The following TSPAN15 variants were observed in gnomAD, a reference collection of about 807,000 sequenced individuals.
The protein encoded by TSPAN15 is tetraspanin 15, also known as tetraspanin-15.
A neutral mutation model predicts 34.5 loss-of-function variants in TSPAN15; 20 were observed. The observed-to-expected ratio is 0.58, with a 90% CI of 0.41 to 0.84. The LOEUF is 0.84. Ranked by LOEUF, TSPAN15 falls within the 40% of genes least tolerant of loss-of-function variation. TSPAN15 has a pLI of 0.00. For synonymous variants in TSPAN15, 155 were observed against 153.9 expected (o/e 1.01, Z -0.05); for missense variants, 313 against 386.1 (o/e 0.81, Z 1.59).
At chr10:69,488,281 G>T (rs941180557) in intron 3 of TSPAN15, among the ~76,000 whole-genome samples, 1 of 152,164 alleles carries the variant, frequency 6.6e-6, no homozygotes, top group South Asian at 2.1e-4. Flanking sequence ...TGGCGGGGAT[G>T]GGGGAGGAGC....
intron 1 of TSPAN15, among the ~76,000 whole-genome samples, chr10:69,474,619 A>G (rs1841576428): frequency 6.6e-6 from 1 of 152,034 alleles, no homozygotes; most frequent in Non-Finnish European, 1.5e-5. Flanking sequence ...AGTCCTGGCC[A>G]GAGGAAGGAG....
intron 1 of TSPAN15, among the ~76,000 whole-genome samples, chr10:69,461,925 A>AC (rs939832004): frequency 4.7e-4 from 35 of 74,780 alleles, no homozygotes; most frequent in East Asian, 3.9e-3. Context: ...CCCCGCCACC[A>AC]CCCCCCCCAT....
Position 69,507,064 on chromosome 10 carries a change from C to A in TSPAN15, c.*86C>A. ...ATCGTGGGGCTGGACAGGGCTGCGG[C>A]CCCTCTGCCCACACTCAGTACTGAC... On this transcript the variant is annotated 3_prime_UTR_variant, in exon 8 of 8. Coordinates refer to ENST00000373290, the MANE Select transcript of TSPAN15 (RefSeq NM_012339.5). 1 of 1,547,396 alleles carries A rather than the reference C, an allele frequency of 6.5e-7. No individual in the cohort carries two copies. Among genetic ancestry groups the A allele is most frequent in the Non-Finnish European group, 8.7e-7 (1 of 1,147,814 alleles).
intron 1 of TSPAN15, among the ~76,000 whole-genome samples, chr10:69,467,120 A>G (rs1841401052): frequency 6.6e-6 from 1 of 152,230 alleles, no homozygotes; most frequent in East Asian, 1.9e-4. Context: ...AAAGCAGAGG[A>G]GAAAAGGATT....
intron 1 of TSPAN15, among the ~76,000 whole-genome samples, chr10:69,458,092 T>A (rs1841153527): frequency 6.6e-6 from 1 of 152,210 alleles, no homozygotes; most frequent in Non-Finnish European, 1.5e-5. Context: ...CTCCAGTTTC[T>A]TCCTCGGGCC....
chr10:69,530,463 C>T, the TSPAN15 span, among the ~76,000 whole-genome samples: 1 of 147,394 alleles, frequency 6.8e-6, no homozygotes, highest in Non-Finnish European at 1.5e-5. Flanking sequence ...ATATTATAGA[C>T]CTAAAGTCCG....
At chr10:69,454,620 C>T (rs1314759951) in intron 1 of TSPAN15, among the ~76,000 whole-genome samples, 1 of 152,052 alleles carries the variant, frequency 6.6e-6, no homozygotes, top group Non-Finnish European at 1.5e-5. Flanking sequence ...AGTTCGAGAC[C>T]AGCCTGGGCA....
intron 4 of TSPAN15, among the ~76,000 whole-genome samples, chr10:69,496,607 G>A (rs1842090701): frequency 6.6e-6 from 1 of 152,208 alleles, no homozygotes; most frequent in Non-Finnish European, 1.5e-5. Context: ...GTGAGGACAA[G>A]TAGAGTGAGG....
chr10:69,503,762 C>T (rs1842260672), intron 5 of TSPAN15, among the ~76,000 whole-genome samples: 1 of 152,140 alleles, frequency 6.6e-6, no homozygotes, highest in Non-Finnish European at 1.5e-5. Flanking sequence ...AGAAGGAGAC[C>T]CTGCGGGGCA....
intron 1 of TSPAN15, among the ~76,000 whole-genome samples, chr10:69,456,318 C>T (rs1412913233): frequency 6.6e-6 from 1 of 152,144 alleles, no homozygotes; most frequent in African/African-American, 2.4e-5. Flanking sequence ...ACCTCCTGAC[C>T]TTAAATGATC....
the TSPAN15 span, among the ~76,000 whole-genome samples, chr10:69,520,509 T>G: frequency 6.6e-6 from 1 of 152,054 alleles, no homozygotes; most frequent in Admixed American, 6.6e-5. Context: ...ATACAAAAAT[T>G]AGCAGGCGTG....
At chr10:69,461,928 C>A (rs35608114) in intron 1 of TSPAN15, among the ~76,000 whole-genome samples, 56,367 of 144,204 alleles carry the variant, frequency 0.39, 11,513 homozygotes, top group Non-Finnish European at 0.45. Flanking sequence ...CGCCACCACC[C>A]CCCCCATCAC....
chr10:69,512,095 T>A (rs1842420647), downstream of TSPAN15, among the ~76,000 whole-genome samples: 1 of 151,964 alleles, frequency 6.6e-6, no homozygotes, highest in Non-Finnish European at 1.5e-5. Context: ...TAAAAAAAAA[T>A]GAAATGGATG....
chr10:69,478,364 C>G (rs1394881249), intron 1 of TSPAN15, among the ~76,000 whole-genome samples: 1 of 152,176 alleles, frequency 6.6e-6, no homozygotes, highest in Non-Finnish European at 1.5e-5. Context: ...CCCTTTCAAG[C>G]TAGAAAGTCT....
At chr10:69,531,137 A>G in the TSPAN15 span, among the ~76,000 whole-genome samples, 1 of 146,620 alleles carries the variant, frequency 6.8e-6, no homozygotes, top group Non-Finnish European at 1.5e-5. Context: ...GGGAAACAGA[A>G]CTAGGAAATC....
chr10:69,464,230 T>C (rs1417796177), intron 1 of TSPAN15, among the ~76,000 whole-genome samples: 1 of 152,240 alleles, frequency 6.6e-6, no homozygotes, highest in Non-Finnish European at 1.5e-5. Context: ...AGCCACCCCA[T>C]TTGTGGTCAT....
rs1841347016 is a variant in TSPAN15 at position 69,464,778 on chromosome 10, C to T, written c.96+13088C>T. Among the ~76,000 whole-genome samples the T allele has an allele frequency of 3.9e-5, 6 of 152,156 alleles. No homozygotes were observed. In the South Asian group the frequency reaches 1.2e-3, roughly 31 times the overall value. ...GAGAAGGAAACCAAGCCCCAAGCCA[C>T]CCAGCATGTGCCCCTGGTTCTGAAA... On this transcript the variant is annotated intron_variant, in intron 1 of 7. Coordinates refer to ENST00000373290, the MANE Select transcript of TSPAN15 (RefSeq NM_012339.5).
At chr10:69,535,467 C>G in the TSPAN15 span, among the ~76,000 whole-genome samples, 1 of 152,164 alleles carries the variant, frequency 6.6e-6, no homozygotes, top group Non-Finnish European at 1.5e-5. Context: ...TGGAGGGTGA[C>G]AGAGAAGCAA....
chr10:69,510,571 T>G (rs1342663231), downstream of TSPAN15, among the ~76,000 whole-genome samples: 1 of 152,216 alleles, frequency 6.6e-6, no homozygotes, highest in Non-Finnish European at 1.5e-5. Flanking sequence ...CTTTATTTCT[T>G]TCTCTTGCCT....
Sources: gnomAD v4.1 joint callset for allele counts (sites outside exome capture counted in the v4.1 genomes callset) on GRCh38, gnomAD v4.1.1 for gene constraint, MANE v1.5 for transcripts, NCBI Gene and HGNC (gene_info 2026-07-23, HGNC 2026-07-21) for gene names.